The following LDB2 variants were observed in gnomAD, a reference collection of about 807,000 sequenced individuals.
LDB2 encodes the protein LIM domain-binding protein 2.
In LDB2, 12 loss-of-function variants were observed where a neutral mutation model predicts 44.3. The ratio of observed to expected loss-of-function variants is 0.27; its 90% confidence interval spans 0.17 to 0.44. LDB2 has a LOEUF of 0.44. Ranked by LOEUF, LDB2 falls within the 20% of genes least tolerant of loss-of-function variation. The pLI, the probability that LDB2 is intolerant of heterozygous loss-of-function variation, is 1.00. For synonymous variants in LDB2, 164 were observed against 174.8 expected (o/e 0.94, Z 0.49); for missense variants, 344 against 473.5 (o/e 0.73, Z 2.54).
intron 2 of LDB2, among the ~76,000 whole-genome samples, chr4:16,750,609 G>A (rs1471311176): frequency 2.0e-5 from 3 of 152,178 alleles, no homozygotes; most frequent in East Asian, 3.8e-4. Context: ...ACACCACATT[G>A]TAGCTGCTCT....
intron 1 of LDB2, among the ~76,000 whole-genome samples, chr4:16,816,852 ATT>A (rs1781034062): frequency 6.6e-6 from 1 of 151,528 alleles, no homozygotes; most frequent in African/African-American, 2.4e-5. Flanking sequence ...TCAATTTCCC[ATT>A]TCTCTCTCTA....
At chr4:16,791,463 G>A (rs1454012084) in intron 1 of LDB2, among the ~76,000 whole-genome samples, 7 of 147,680 alleles carry the variant, frequency 4.7e-5, no homozygotes, top group African/African-American at 1.2e-4. Context: ...GCTGAGGCAG[G>A]AGAATTGCTT....
chr4:16,674,131 T>C, intron 2 of LDB2: 1 of 741,484 alleles, frequency 1.3e-6, no homozygotes, highest in South Asian at 1.5e-5. Context: ...TCCCTGAGAA[T>C]ATTTCCCATT....
At chr4:16,568,898 ACAGT>A (rs1050782672) in intron 5 of LDB2, among the ~76,000 whole-genome samples, 1 of 152,228 alleles carries the variant, frequency 6.6e-6, no homozygotes, top group African/African-American at 2.4e-5. Context: ...CCCCTCTTCA[ACAGT>A]CAGAGGAATT....
chr4:16,604,504 C>A (rs1019746287), intron 2 of LDB2, among the ~76,000 whole-genome samples: 3 of 148,726 alleles, frequency 2.0e-5, no homozygotes, highest in African/African-American at 7.4e-5. Context: ...AATAACTTTG[C>A]AATAACATGA....
chr4:16,825,269 C>G (rs1401325276), intron 1 of LDB2, among the ~76,000 whole-genome samples: 1 of 152,130 alleles, frequency 6.6e-6, no homozygotes, highest in Non-Finnish European at 1.5e-5. Flanking sequence ...ATCTATAGGC[C>G]ATTTACTGAG....
intron 7 of LDB2, among the ~76,000 whole-genome samples, chr4:16,503,647 C>T (rs1166217458): frequency 3.3e-5 from 5 of 152,158 alleles, no homozygotes; most frequent in Non-Finnish European, 5.9e-5. Context: ...GGCAACCCTG[C>T]CACCCATCTG....
intron 1 of LDB2, among the ~76,000 whole-genome samples, chr4:16,787,224 C>T (rs927415299): frequency 1.3e-5 from 2 of 152,018 alleles, no homozygotes; most frequent in African/African-American, 4.8e-5. Flanking sequence ...ATTATGCTAC[C>T]AGTTGAGGAT....
chr4:16,535,221 A>T (rs1731405139), intron 5 of LDB2, among the ~76,000 whole-genome samples: 2 of 152,138 alleles, frequency 1.3e-5, no homozygotes, highest in South Asian at 4.1e-4. Context: ...GGCAGGAGAG[A>T]CCCTCATCTA....
intron 2 of LDB2, among the ~76,000 whole-genome samples, chr4:16,754,036 C>G (rs900468031): frequency 6.6e-6 from 1 of 152,178 alleles, no homozygotes; most frequent in African/African-American, 2.4e-5. Flanking sequence ...AACAGGCCAA[C>G]AGAAAGTGCT....
At chr4:16,665,167 A>G in intron 2 of LDB2, among the ~76,000 whole-genome samples, 1 of 152,016 alleles carries the variant, frequency 6.6e-6, no homozygotes, top group East Asian at 1.9e-4. Context: ...TGCAGCCTCC[A>G]GTTTGGATCG....
chr4:16,512,789 T>C (rs1167333346), intron 5 of LDB2, among the ~76,000 whole-genome samples: 1 of 152,208 alleles, frequency 6.6e-6, no homozygotes, highest in Non-Finnish European at 1.5e-5. Flanking sequence ...AGCCACCTTG[T>C]TCCTTCCTTT....
intron 2 of LDB2, among the ~76,000 whole-genome samples, chr4:16,751,656 T>C (rs955127202): frequency 9.2e-5 from 14 of 152,230 alleles, no homozygotes; most frequent in African/African-American, 2.9e-4. Flanking sequence ...TAATTTAAGG[T>C]AAGAGTTTTA....
chr4:16,532,358 A>C (rs1560385127), intron 5 of LDB2, among the ~76,000 whole-genome samples: 1 of 152,208 alleles, frequency 6.6e-6, no homozygotes, highest in East Asian at 1.9e-4. Context: ...AGCATTAATA[A>C]ATAGACAAGA....
chr4:16,639,931 A>C (rs1395494106), intron 2 of LDB2, among the ~76,000 whole-genome samples: 1 of 152,268 alleles, frequency 6.6e-6, no homozygotes, highest in Non-Finnish European at 1.5e-5. Context: ...CAGGAGATAA[A>C]GATGACAAAT....
intron 2 of LDB2, among the ~76,000 whole-genome samples, chr4:16,749,538 G>C (rs111549991): frequency 2.2e-5 from 3 of 134,516 alleles, no homozygotes; most frequent in African/African-American, 5.7e-5. Context: ...CAGCCTGAGC[G>C]ACAGAGCAAG....
chr4:16,530,276 G>C (rs905272470), intron 5 of LDB2, among the ~76,000 whole-genome samples: 1 of 152,132 alleles, frequency 6.6e-6, no homozygotes, highest in Admixed American at 6.5e-5. Context: ...TCAAGGTCTT[G>C]TCCTTTTCAC....
intron 5 of LDB2, among the ~76,000 whole-genome samples, chr4:16,576,879 T>G (rs1711844777): frequency 6.6e-6 from 1 of 152,160 alleles, no homozygotes; most frequent in South Asian, 2.1e-4. Flanking sequence ...AAAAGATCAT[T>G]TGTCATGACC....
chr4:16,749,586 A>C (rs1443837532), intron 2 of LDB2, among the ~76,000 whole-genome samples: 2 of 135,426 alleles, frequency 1.5e-5, no homozygotes, highest in Admixed American at 7.5e-5. Flanking sequence ...AAAAATAAAA[A>C]AAAATATATA....
Sources: allele counts gnomAD v4.1 joint callset (sites outside exome capture counted in the v4.1 genomes callset), GRCh38; gene constraint gnomAD v4.1.1; transcripts MANE v1.5; gene names NCBI Gene and HGNC (gene_info 2026-07-23, HGNC 2026-07-21).